Variants in MAP4K1 observed in about 807,000 individuals in gnomAD.
The protein encoded by MAP4K1 is mitogen-activated protein kinase kinase kinase kinase 1, also known as MAPK/ERK kinase kinase kinase 1.
In MAP4K1, 35 loss-of-function variants were observed where a neutral mutation model predicts 122.8. That is an observed-to-expected ratio of 0.29 (90% CI 0.22 to 0.38). MAP4K1 has a LOEUF of 0.38. Among genes scored for constraint, MAP4K1 ranks in the 10% least tolerant of loss-of-function variants. MAP4K1 has a pLI of 1.00. For synonymous variants in MAP4K1, 412 were observed against 421.3 expected (o/e 0.98, Z 0.27); for missense variants, 791 against 1,072.6 (o/e 0.74, Z 3.67).
chr19:38,596,220 C>T, intron 26 of MAP4K1, 92 bp downstream of exon 26: 3 of 1,455,014 alleles, frequency 2.1e-6, no homozygotes, highest in African/African-American at 1.4e-5. Context: ...TTCTCAGTCC[C>T]GTAGTGCCTC....
intron 17 of MAP4K1, 135 bp from the exon 18 acceptor site, chr19:38,605,865 G>GC (rs1975314934): frequency 1.3e-6 from 1 of 782,266 alleles, no homozygotes; most frequent in Non-Finnish European, 2.0e-6. Context: ...AACATCTTGT[G>GC]CCCCCTCCAG....
Position 38,617,921 on chromosome 19 carries a change from GC to G in MAP4K1, c.-27del, listed in dbSNP as rs747736499. On this transcript the variant is annotated 5_prime_UTR_variant, in exon 1 of 31. Coordinates refer to ENST00000396857, the MANE Select transcript of MAP4K1 (RefSeq NM_001042600.3). This position sits in a 1 kb window ranked among gnomAD's most constrained non-coding sequence, Gnocchi z 4.1. ...CCCTGGGGGCCTGAGCTGGGCCTGC[GC>G]CCAGGGGCCAGCAGGGCCTCAGGGC... 11 of 1,597,386 alleles carry G rather than the reference GC, an allele frequency of 6.9e-6. No homozygotes were observed. The highest frequency in any genetic ancestry group is 1.7e-4 in the Middle Eastern group (1 of 5,930).
In MAP4K1 at chr19:38,597,127, C is replaced by T. The variant is rs779092701; in HGVS notation, c.1848G>A (p.Ala616=). Residue 616 remains alanine (A), a synonymous_variant, in exon 25 of 31, where the codon GCG becomes GCA. Coordinates refer to ENST00000396857, the MANE Select transcript of MAP4K1 (RefSeq NM_001042600.3). This position sits in a 1 kb window ranked among gnomAD's most constrained non-coding sequence, Gnocchi z 4.6. ...CGCACAGGAACGGGCCCCCAGAGCT[C>T]GCACCCTCCGCTGTGGCATGGGCAA... ...GCRACCVAEG[A]SSGGPFLCGA... is the part of the protein sequence containing the mutation. 4 of 1,614,166 alleles carry T rather than the reference C, an allele frequency of 2.5e-6. No homozygotes were observed. The East Asian group carries it at 8.9e-5, about 36-fold the overall frequency.
chr19:38,588,030 GTCTGGCAGGGAAACCTA>G (rs570891485), intron 30 of MAP4K1, among the ~76,000 whole-genome samples: 195 of 152,326 alleles, frequency 1.3e-3, no homozygotes, highest in African/African-American at 4.6e-3. Context: ...AGCATGGCAT[GTCTGGCAGGGAAACCTA>G]ACCCAGGAGG....
Position 38,597,307 on chromosome 19 carries a change from C to A in MAP4K1, c.1837+19G>T. On this transcript the variant is annotated intron_variant, in intron 24 of 30. Transcript: ENST00000396857. The surrounding 1 kb of genome is among the most constrained non-coding windows in gnomAD (Gnocchi z 4.6). ...CTGGCCCCGCCCACTCTCTGCACAC[C>A]CGTGAAGCTCTCTCTCACCCACACA... 1 of 1,613,900 alleles carries A rather than the reference C, an allele frequency of 6.2e-7. No individual in the cohort carries two copies. The highest frequency in any genetic ancestry group is 8.5e-7 in the Non-Finnish European group (1 of 1,180,008).
chr19:38,602,723 CAT>C (rs1296990755), intron 19 of MAP4K1, among the ~76,000 whole-genome samples: 85 of 145,442 alleles, frequency 5.8e-4, no homozygotes, highest in African/African-American at 1.8e-3. Context: ...TATATACACA[CAT>C]ATACATGTAT....
At chr19:38,604,379 G>T (rs1975260288) in intron 19 of MAP4K1, among the ~76,000 whole-genome samples, 1 of 152,128 alleles carries the variant, frequency 6.6e-6, no homozygotes, top group African/African-American at 2.4e-5. Context: ...AGTGACTCAT[G>T]GAGGTTTTGA....
rs377523520 is a variant in MAP4K1 at position 38,614,066 on chromosome 19, T to C, written c.437A>G (p.Asn146Ser). 34 of 1,567,044 alleles carry C rather than the reference T, an allele frequency of 2.2e-5. No homozygotes were observed. Among genetic ancestry groups the C allele is most frequent in the Non-Finnish European group, 2.8e-5 (32 of 1,153,304 alleles). ...ACCCAATCTGACCTCCCCAGCATCA[T>C]TGATGAGGATGTTAGCTCCCTGGGA... ...RDIKGANILI[N>S]DAGEVRLADF... is the part of the protein sequence containing the mutation. The change falls in exon 7 of 31, where the codon AAT becomes AGT. Residue 146 changes from asparagine (N) to serine (S), a missense_variant. Physicochemically the swap from Asn to Ser is conservative, Grantham distance 46 (BLOSUM62 1). Around this residue, in one of 4 missense-constraint regions of MAP4K1, gnomAD observed 163 missense variants for 286.1 expected, o/e 0.57. Coordinates refer to ENST00000396857, the MANE Select transcript of MAP4K1 (RefSeq NM_001042600.3).
chr19:38,598,033 T>C lies in MAP4K1; in HGVS notation c.1670-439A>G, dbSNP rs542967473. Among the ~76,000 whole-genome samples, 13 of 151,908 alleles carry C rather than the reference T, an allele frequency of 8.6e-5. No homozygotes were observed. The South Asian group carries it at 1.7e-3, about 19-fold the overall frequency. ...AACTAGAAATTATTTCATTTATTTA[T>C]TATTATTATTATTATTTTAGACAGT... is the stretch of plus-strand genomic sequence containing the variant. On this transcript the variant is annotated intron_variant, in intron 22 of 30. Transcript: ENST00000396857.
At position 38,597,850 on chromosome 19, in the gene MAP4K1, G is replaced by T. The variant is rs1260089072; in HGVS notation, c.1670-256C>A. 2.6e-5 allele frequency among the ~76,000 whole-genome samples: 4 copies of T among 152,202 alleles called. No homozygotes were observed. The East Asian group carries it at 7.7e-4, about 29-fold the overall frequency. ...TATGTTCCCTACCCTCGTGGTATTTGTAGCCGTATCAGAAACTCTGGACAC... is the reference window on the plus strand; with the variant it reads ...TATGTTCCCTACCCTCGTGGTATTTTTAGCCGTATCAGAAACTCTGGACAC... On this transcript the variant is annotated intron_variant, in intron 22 of 30. Coordinates refer to ENST00000396857, the MANE Select transcript of MAP4K1 (RefSeq NM_001042600.3). This position sits in a 1 kb window ranked among gnomAD's most constrained non-coding sequence, Gnocchi z 4.6.
At chr19:38,590,627 A>T (rs915752095) in intron 30 of MAP4K1, among the ~76,000 whole-genome samples, 3 of 151,144 alleles carry the variant, frequency 2.0e-5, no homozygotes, top group Non-Finnish European at 4.4e-5. Context: ...GGCACGTGCC[A>T]CCACACCCAG....
In MAP4K1 at chr19:38,595,206, G is replaced by T. The variant is rs12460781; in HGVS notation, c.2340+279C>A. On this transcript the variant is annotated intron_variant, in intron 29 of 30. Coordinates refer to ENST00000396857, the MANE Select transcript of MAP4K1 (RefSeq NM_001042600.3). ...TGGGAGGCCGAGGCAGGAGAATCGCGTGAACCCGGGAGGTGGAGGTTGCAG... is the reference window on the plus strand; with the variant it reads ...TGGGAGGCCGAGGCAGGAGAATCGCTTGAACCCGGGAGGTGGAGGTTGCAG... Among the ~76,000 whole-genome samples, 1,220 of 150,014 alleles carry T rather than the reference G, an allele frequency of 8.1e-3. 32 individuals carry two copies. The highest frequency in any genetic ancestry group is 0.061 in the East Asian group (306 of 4,988).
At chr19:38,588,338 CAG>C (rs1331263411) in intron 30 of MAP4K1, among the ~76,000 whole-genome samples, 1 of 152,104 alleles carries the variant, frequency 6.6e-6, no homozygotes, top group East Asian at 1.9e-4. Flanking sequence ...CAAAAGGACA[CAG>C]GGGCTACTTA....
rs58903360 is a variant in MAP4K1, at chr19:38,598,062, G to A, written c.1670-468C>T. ...TATTATTATTATTTTAGACAGTCTC[G>A]CTCTGTCACCCAGGCTGGAGTGCAG... On this transcript the variant is annotated intron_variant, in intron 22 of 30. Transcript: ENST00000396857. Among the ~76,000 whole-genome samples the A allele has an allele frequency of 8.3e-3, 1,265 of 151,820 alleles. 20 individuals carry two copies. Among genetic ancestry groups the A allele is most frequent in the African/African-American group, 0.029 (1,210 of 41,400 alleles).
chr19:38,608,822 A>C (rs1053274914), intron 13 of MAP4K1, among the ~76,000 whole-genome samples: 142 of 148,766 alleles, frequency 9.5e-4, no homozygotes, highest in Admixed American at 4.3e-3. Flanking sequence ...AAAAAAAAAA[A>C]AAAAAAACAT....
chr19:38,603,419 T>TATACATATATACACACAC (rs1975224233), intron 19 of MAP4K1, among the ~76,000 whole-genome samples: 1 of 133,994 alleles, frequency 7.5e-6, no homozygotes, highest in South Asian at 3.1e-4. Flanking sequence ...TATATACACG[T>TATACATATATACACACAC]ATACATATAT....
intron 12 of MAP4K1, 60 bp from the exon 13 acceptor site, chr19:38,609,734 C>T (rs1210487133): frequency 1.8e-5 from 27 of 1,474,080 alleles, no homozygotes; most frequent in South Asian, 2.5e-5. Context: ...CTACCCTGCC[C>T]GGGGTCCATC....
Position 38,616,211 on chromosome 19 carries a change from G to A in MAP4K1, c.297C>T (p.Leu99=). 6.2e-7 allele frequency: 1 copy of A among 1,613,580 alleles called. No individual in the cohort carries two copies. ...TTCTCTAACCTTGGTAGATGTCCTGGAGAGAACCAGCCCCACAGAATTCCA... is the reference window on the plus strand; with the variant it reads ...TTCTCTAACCTTGGTAGATGTCCTGAAGAGAACCAGCCCCACAGAATTCCA... ...ICMEFCGAGS[L]QDIYQVTGSL... The change falls in exon 4 of 31, where the codon CTC becomes CTT. Residue 99 remains leucine (L), a synonymous_variant. Transcript: ENST00000396857.
At chr19:38,596,229 T>C (rs967508405) in intron 26 of MAP4K1, 83 bp downstream of exon 26, 7 of 1,463,558 alleles carry the variant, frequency 4.8e-6, no homozygotes, top group African/African-American at 1.4e-5. Context: ...CCGTAGTGCC[T>C]CAGGCTAAGC....
Sources: gnomAD v4.1 joint callset for allele counts (sites outside exome capture counted in the v4.1 genomes callset) on GRCh38, gnomAD v4.1.1 for gene constraint, gnomAD v4.1.1 regional missense constraint, Gnocchi (gnomAD v3.1) non-coding constraint, MANE v1.5 for transcripts, NCBI Gene and HGNC (gene_info 2026-07-23, HGNC 2026-07-21) for gene names.